Variants in NFIC observed in about 807,000 individuals in gnomAD.
NFIC encodes nuclear factor 1 C-type.
Under a neutral mutation model 54.4 loss-of-function variants are expected in NFIC, and 12 were observed. The observed-to-expected ratio is 0.22, with a 90% CI of 0.14 to 0.36. The LOEUF is 0.36. NFIC is among the 10% of genes least tolerant of loss of function. The probability of loss-of-function intolerance (pLI) is 1.00; values close to 1 mark genes in which losing one functional copy is unlikely to be tolerated. For missense variants in NFIC, 575 were observed against 718.2 expected, an observed-to-expected ratio of 0.80 and a Z score of 2.28; for synonymous variants, 322 against 319.2, an observed-to-expected ratio of 1.01 and a Z score of -0.09.
intron 2 of NFIC, among the ~76,000 whole-genome samples, chr19:3,416,069 A>T (rs865949153): frequency 6.6e-6 from 1 of 151,944 alleles, no homozygotes; most frequent in South Asian, 2.1e-4. Flanking sequence ...AAAAGAAGGC[A>T]AGAGAATCAC....
chr19:3,433,723 C>A, intron 4 of NFIC, 131 bp downstream of exon 4: 1 of 1,040,190 alleles, frequency 9.6e-7, no homozygotes, highest in East Asian at 2.7e-5. Context: ...GCCAAGGTTC[C>A]TAGAAAGGGA....
intron 6 of NFIC, among the ~76,000 whole-genome samples, chr19:3,441,164 G>T (rs1434559495): frequency 6.6e-6 from 1 of 152,198 alleles, no homozygotes; most frequent in African/African-American, 2.4e-5. Flanking sequence ...CAGCCCTGCG[G>T]AGGTGCCTGG....
intron 2 of NFIC, among the ~76,000 whole-genome samples, chr19:3,408,158 G>A (rs926561601): frequency 4.6e-5 from 7 of 152,164 alleles, no homozygotes; most frequent in African/African-American, 1.2e-4. Context: ...GGTGGCGGCC[G>A]ATGCTGGAAA....
In NFIC at chr19:3,440,138, G is replaced by A. The variant is rs1393315276; in HGVS notation, c.958+4931G>A. Among the ~76,000 whole-genome samples the A allele has an allele frequency of 2.6e-5, 4 of 152,158 alleles. No individual in the cohort carries two copies. The East Asian group carries it at 7.7e-4, about 29-fold the overall frequency. ...GATTTATCCGCAGGGAAGATGATGG[G>A]AGGGCATTCCCAGCAGGGAGAATCG... On this transcript the variant is annotated intron_variant, in intron 6 of 10. Coordinates refer to ENST00000443272, the MANE Select transcript of NFIC (RefSeq NM_001245002.2).
chr19:3,369,738 GGCCTCCCTCCCT>G lies in NFIC; in HGVS notation c.30+3084_30+3095del, dbSNP rs2080965348. On this transcript the variant is annotated intron_variant, in intron 1 of 10. Coordinates refer to ENST00000443272, the MANE Select transcript of NFIC (RefSeq NM_001245002.2). The surrounding 1 kb of genome is among the most constrained non-coding windows in gnomAD (Gnocchi z 4.3). Reference sequence around the variant, plus strand: ...GGCCGGCCTCCCCGCGCCTGCTCTGGGCCTCCCTCCCTGCCTCCCTCCCGCTGGCGCCACCGC... The same window carrying G: ...GGCCGGCCTCCCCGCGCCTGCTCTGGGCCTCCCTCCCGCTGGCGCCACCGC... Among the ~76,000 whole-genome samples the G allele has an allele frequency of 6.6e-6, 1 of 152,108 alleles. No homozygotes were observed. Among genetic ancestry groups the G allele is most frequent in the Admixed American group, 6.5e-5 (1 of 15,284 alleles).
chr19:3,467,785 A>G lies in NFIC; in HGVS notation c.*5016A>G, dbSNP rs922450296. 1 of 138,894 alleles carries G rather than the reference A, an allele frequency of 7.2e-6. No homozygotes were observed. Among genetic ancestry groups the G allele is most frequent in the East Asian group, 2.3e-4 (1 of 4,404 alleles). The allele number at this position is 138,894 out of a possible 1,614,324, so 8.6% of individuals were successfully genotyped here. A position where few individuals can be genotyped will look rare whatever the true frequency, so the allele number is the denominator to read the frequency against. On this transcript the variant is annotated 3_prime_UTR_variant, in exon 11 of 11. Coordinates refer to ENST00000443272, the MANE Select transcript of NFIC (RefSeq NM_001245002.2). ...TATATATATATATATATATATATAT[A>G]TATAATTTTGGAATTTGTTTCTCAT...
chr19:3,457,382 C>T (rs1472889201), intron 10 of NFIC, among the ~76,000 whole-genome samples: 1 of 152,140 alleles, frequency 6.6e-6, no homozygotes, highest in East Asian at 1.9e-4. Flanking sequence ...TGAGGCTGCA[C>T]AGTAGTCTAG....
At position 3,369,573 on chromosome 19, in the gene NFIC, G is replaced by T. The variant is rs972924471; in HGVS notation, c.30+2907G>T. Among the ~76,000 whole-genome samples, 13 of 152,354 alleles carry T rather than the reference G, an allele frequency of 8.5e-5. No homozygotes were observed. The highest frequency in any genetic ancestry group is 4.6e-4 in the Admixed American group (7 of 15,312). ...GTGCCACCCGGGCCCGGCCCGCCGA[G>T]TGGGGAGTGGGTGCTGGCGGCCCTG... On this transcript the variant is annotated intron_variant, in intron 1 of 10. Transcript: ENST00000443272. The surrounding 1 kb of genome is among the most constrained non-coding windows in gnomAD (Gnocchi z 4.3).
intron 2 of NFIC, among the ~76,000 whole-genome samples, chr19:3,415,748 C>T (rs534945711): frequency 6.6e-6 from 1 of 152,272 alleles, no homozygotes; most frequent in South Asian, 2.1e-4. Context: ...GATGGAGGCT[C>T]TGGGAGAAGT....
At chr19:3,416,947 G>C (rs1366469034) in intron 2 of NFIC, among the ~76,000 whole-genome samples, 3 of 149,934 alleles carry the variant, frequency 2.0e-5, no homozygotes, top group African/African-American at 7.4e-5. Context: ...GCAGTGGCGC[G>C]ATCTCGGCTC....
chr19:3,464,851 C>G lies in NFIC; in HGVS notation c.*2082C>G. 1 of 282,772 alleles carries G rather than the reference C, an allele frequency of 3.5e-6. No individual in the cohort carries two copies. The highest frequency in any genetic ancestry group is 5.3e-6 in the Non-Finnish European group (1 of 190,214). 17.5% of individuals were successfully genotyped at this position (282,772 alleles called of 1,614,324 possible). ...CCCCGGTGGCCCTTGGGGATCAAAG[C>G]GTGGGCCGCTCTCCGGGAGGGCGGG... is the stretch of plus-strand genomic sequence containing the variant. On this transcript the variant is annotated 3_prime_UTR_variant, in exon 11 of 11. Transcript: ENST00000443272.
At chr19:3,371,172 G>A (rs2081001521) in intron 1 of NFIC, among the ~76,000 whole-genome samples, 1 of 152,134 alleles carries the variant, frequency 6.6e-6, no homozygotes. Context: ...AAGTGTTGCT[G>A]TGCTTGTGAT....
rs57006287 is a variant in NFIC, at chr19:3,429,136, T to TACACAC, written c.634+3992_634+3997dup. Among the ~76,000 whole-genome samples, 388 of 83,818 alleles carry TACACAC rather than the reference T, an allele frequency of 4.6e-3. 5 individuals carry two copies. The highest frequency in any genetic ancestry group is 0.017 in the African/African-American group (352 of 20,204). 55.0% of individuals were successfully genotyped at this position (83,818 alleles called of 152,430 possible). On this transcript the variant is annotated intron_variant, in intron 3 of 10. Coordinates refer to ENST00000443272, the MANE Select transcript of NFIC (RefSeq NM_001245002.2). Reference sequence around the variant, plus strand: ...CCTATCTCTACCCAAAAAAAAAATATACACACACACACACACACACACACA... The same window carrying TACACAC: ...CCTATCTCTACCCAAAAAAAAAATATACACACACACACACACACACACACACACACA...
intron 3 of NFIC, among the ~76,000 whole-genome samples, chr19:3,432,670 CTTTT>C (rs33968415): frequency 0.011 from 1,485 of 129,474 alleles, 37 homozygotes; most frequent in African/African-American, 0.042. Context: ...GCTTTCCGCT[CTTTT>C]TTTTTTTTTT....
At chr19:3,371,740 C>T (rs1478382920) in intron 1 of NFIC, 2 of 152,068 alleles carry the variant, frequency 1.3e-5, no homozygotes, top group Non-Finnish European at 2.9e-5. Flanking sequence ...CCCTCCCTTC[C>T]CTCTGTGTGT....
At chr19:3,426,581 C>A (rs78856761) in intron 3 of NFIC, among the ~76,000 whole-genome samples, 1 of 152,118 alleles carries the variant, frequency 6.6e-6, no homozygotes. Context: ...CCCTCCTCTG[C>A]GCACAGCCAT....
Position 3,463,904 on chromosome 19 carries a change from CCCCCT to C in NFIC, c.*1143_*1147del. On this transcript the variant is annotated 3_prime_UTR_variant, in exon 11 of 11. Coordinates refer to ENST00000443272, the MANE Select transcript of NFIC (RefSeq NM_001245002.2). ...GACACGGAATGGCCGCGGGCCTCCT[CCCCCT>C]CCCCTCCAGCCTCTCCACCAGCCCC... is the stretch of plus-strand genomic sequence containing the variant. 1 of 948,910 alleles carries C rather than the reference CCCCCT, an allele frequency of 1.1e-6. No individual in the cohort carries two copies. Among genetic ancestry groups the C allele is most frequent in the Non-Finnish European group, 1.3e-6 (1 of 797,606 alleles). The allele number at this position is 948,910 out of a possible 1,614,324, so 58.8% of individuals were successfully genotyped here. A position where few individuals can be genotyped will look rare whatever the true frequency, so the allele number is the denominator to read the frequency against.
rs1326350557 is a variant in NFIC at position 3,467,746 on chromosome 19, G to C, written c.*4977G>C. Reference sequence around the variant, plus strand: ...AATGGTACTTTGACCTCCAGTGTAGGGCTATACTATACATATATATATATA... The same window carrying C: ...AATGGTACTTTGACCTCCAGTGTAGCGCTATACTATACATATATATATATA... On this transcript the variant is annotated 3_prime_UTR_variant, in exon 11 of 11. Coordinates refer to ENST00000443272, the MANE Select transcript of NFIC (RefSeq NM_001245002.2). 1.5e-5 allele frequency: 1 copy of C among 65,816 alleles called. No homozygotes were observed. The highest frequency in any genetic ancestry group is 1.0e-4 in the African/African-American group (1 of 9,914). 4.1% of individuals were successfully genotyped at this position (65,816 alleles called of 1,614,324 possible).
chr19:3,364,285 AC>A (rs2080854553), upstream of NFIC, among the ~76,000 whole-genome samples: 1 of 152,168 alleles, frequency 6.6e-6, no homozygotes, highest in Non-Finnish European at 1.5e-5. Flanking sequence ...ACTATGACGT[AC>A]AGTTCCCTGT....
Sources: gnomAD v4.1 joint callset for allele counts (sites outside exome capture counted in the v4.1 genomes callset) on GRCh38, gnomAD v4.1.1 for gene constraint, Gnocchi (gnomAD v3.1) non-coding constraint, MANE v1.5 for transcripts, NCBI Gene and HGNC (gene_info 2026-07-23, HGNC 2026-07-21) for gene names.